Variants in DNM3 observed in about 807,000 individuals in gnomAD.
DNM3 encodes dynamin-3.
In DNM3, 47 loss-of-function variants were observed where a neutral mutation model predicts 101.6. The observed-to-expected ratio is 0.46, with a 90% confidence interval of 0.37 to 0.59. DNM3 has a LOEUF of 0.59. DNM3 is among the 20% of genes least tolerant of loss of function. The pLI, the probability that DNM3 is intolerant of heterozygous loss-of-function variation, is 0.00. For synonymous variants in DNM3, 385 were observed against 387.9 expected, an observed-to-expected ratio of 0.99 and a Z score of 0.09; for missense variants, 849 against 1,085.7, an observed-to-expected ratio of 0.78 and a Z score of 3.06.
intron 2 of DNM3, among the ~76,000 whole-genome samples, chr1:171,947,313 A>G (rs2042230989): frequency 6.6e-6 from 1 of 152,054 alleles, no homozygotes; most frequent in Non-Finnish European, 1.5e-5. Context: ...CTAGTTTCAA[A>G]ATGGGTGTAA....
At chr1:172,397,974 CATAA>C (rs2070156778) in intron 20 of DNM3, among the ~76,000 whole-genome samples, 1 of 152,122 alleles carries the variant, frequency 6.6e-6, no homozygotes, top group African/African-American at 2.4e-5. Flanking sequence ...CTTTGCAGTT[CATAA>C]ATACTTTCAT....
chr1:172,326,714 A>C (rs1053414247), intron 17 of DNM3, among the ~76,000 whole-genome samples: 13 of 152,232 alleles, frequency 8.5e-5, no homozygotes, highest in Admixed American at 8.5e-4. Flanking sequence ...AGGCAAGTTA[A>C]AGGTAGAGAA....
At chr1:172,063,004 G>A (rs1035441250) in intron 10 of DNM3, among the ~76,000 whole-genome samples, 4 of 152,228 alleles carry the variant, frequency 2.6e-5, no homozygotes, top group East Asian at 1.9e-4. Context: ...TTAAAAAATT[G>A]TATGCTTTTA....
chr1:172,215,376 C>T (rs1212408135), intron 14 of DNM3, among the ~76,000 whole-genome samples: 3 of 152,052 alleles, frequency 2.0e-5, no homozygotes, highest in African/African-American at 7.2e-5. Flanking sequence ...TCCACATGCA[C>T]AGATCTCTAT....
chr1:171,875,813 C>CTTTTTTTTTTTTTTTTTTTTTTTTTTT (rs60523795), intron 1 of DNM3, among the ~76,000 whole-genome samples: 1 of 104,682 alleles, frequency 9.6e-6, no homozygotes. Flanking sequence ...AGTTGTCTCT[C>CTTTTTTTTTTTTTTTTTTTTTTTTTTT]TTTTTTTTTT....
chr1:172,132,982 G>T, intron 14 of DNM3: 1 of 1,534,220 alleles, frequency 6.5e-7, no homozygotes, highest in African/African-American at 1.4e-5. Context: ...TTGAGCTCCA[G>T]AGCCTATGCT....
chr1:172,179,717 T>G (rs920435746), intron 14 of DNM3, among the ~76,000 whole-genome samples: 46 of 152,028 alleles, frequency 3.0e-4, no homozygotes, highest in African/African-American at 1.1e-3. Context: ...GGAATACAGA[T>G]TCAATAATTT....
At chr1:171,889,984 C>T (rs1024261502) in intron 1 of DNM3, among the ~76,000 whole-genome samples, 1 of 152,064 alleles carries the variant, frequency 6.6e-6, no homozygotes, top group African/African-American at 2.4e-5. Flanking sequence ...TTGTGTTGCT[C>T]TCACCAAGAT....
intron 10 of DNM3, among the ~76,000 whole-genome samples, chr1:172,058,229 C>G (rs1195884326): frequency 6.6e-6 from 1 of 151,764 alleles, no homozygotes; most frequent in Non-Finnish European, 1.5e-5. Flanking sequence ...GACTTAGACT[C>G]CCACACGTTA....
At position 172,411,322 on chromosome 1, in the gene DNM3, A is replaced by G. The variant is rs2071190351; in HGVS notation, c.*3481A>G. 4 of 984,630 alleles carry G rather than the reference A, an allele frequency of 4.1e-6. No homozygotes were observed. Among genetic ancestry groups the G allele is most frequent in the Non-Finnish European group, 4.8e-6 (4 of 829,202 alleles). 61.0% of individuals were successfully genotyped at this position (984,630 alleles called of 1,614,324 possible). A position where few individuals can be genotyped will look rare whatever the true frequency, so the allele number is the denominator to read the frequency against. ...TACAAAGCTCATAATTACCATGACA[A>G]CATGGTAATGTCCATAGACATTTGT... On this transcript the variant is annotated 3_prime_UTR_variant, in exon 21 of 21. Transcript: ENST00000627582.
intron 15 of DNM3, among the ~76,000 whole-genome samples, chr1:172,279,596 C>T (rs1292749195): frequency 6.6e-6 from 1 of 152,106 alleles, no homozygotes; most frequent in Non-Finnish European, 1.5e-5. Flanking sequence ...CTACCAACCC[C>T]AGCTTAAAAT....
intron 1 of DNM3, among the ~76,000 whole-genome samples, chr1:171,867,006 C>T (rs2034818781): frequency 2.0e-5 from 3 of 152,156 alleles, no homozygotes; most frequent in Admixed American, 2.0e-4. Flanking sequence ...TTAGGTGCAC[C>T]TAAGGTTCCA....
At chr1:172,083,762 C>T (rs1286889968) in intron 12 of DNM3, among the ~76,000 whole-genome samples, 3 of 151,900 alleles carry the variant, frequency 2.0e-5, no homozygotes, top group African/African-American at 2.4e-5. Context: ...ATATTTGCTG[C>T]CTTAGAAGCT....
rs77196608 is a variant in DNM3, at chr1:172,208,162, G to T, written c.1660-45411G>T. 3.3e-5 allele frequency among the ~76,000 whole-genome samples: 5 copies of T among 152,102 alleles called. No homozygotes were observed. In the East Asian group the frequency reaches 5.8e-4, roughly 18 times the overall value. On this transcript the variant is annotated intron_variant, in intron 14 of 20. Transcript: ENST00000627582. ...CTCAACTACAAATTGCAGTTTTTCC[G>T]CAAGATTTAGAAGAGAGGAGACCAC...
At chr1:172,081,666 G>T (rs2053158809) in intron 11 of DNM3, among the ~76,000 whole-genome samples, 166 bp from the exon 12 acceptor site, 1 of 152,112 alleles carries the variant, frequency 6.6e-6, no homozygotes, top group Admixed American at 6.5e-5. Flanking sequence ...AATTTAGAGT[G>T]CAAAATTATG....
chr1:172,280,735 T>G (rs947356784), intron 15 of DNM3, among the ~76,000 whole-genome samples: 6 of 152,160 alleles, frequency 3.9e-5, no homozygotes, highest in African/African-American at 1.4e-4. Context: ...AAGAAAAACA[T>G]TTATGAAAAT....
intron 10 of DNM3, among the ~76,000 whole-genome samples, chr1:172,057,064 C>T (rs556467550): frequency 1.7e-4 from 26 of 151,818 alleles, no homozygotes; most frequent in African/African-American, 4.1e-4. Context: ...CCTCAGGAGC[C>T]GATGTGATCA....
chr1:172,170,145 G>GT (rs1185088664), intron 14 of DNM3, among the ~76,000 whole-genome samples: 3 of 151,934 alleles, frequency 2.0e-5, no homozygotes, highest in Non-Finnish European at 4.4e-5. Context: ...AAGCTAGAGA[G>GT]TTTTTTGTTT....
chr1:172,212,210 G>C (rs972669169), intron 14 of DNM3, among the ~76,000 whole-genome samples: 1 of 152,048 alleles, frequency 6.6e-6, no homozygotes, highest in Non-Finnish European at 1.5e-5. Flanking sequence ...AAAGGATGTC[G>C]ATTATGAGAT....
Sources: allele counts gnomAD v4.1 joint callset (sites outside exome capture counted in the v4.1 genomes callset), GRCh38; gene constraint gnomAD v4.1.1; transcripts MANE v1.5; gene names NCBI Gene and HGNC (gene_info 2026-07-23, HGNC 2026-07-21).